NLRP5: variants seen among roughly 807,000 people sequenced by gnomAD.
NLRP5 encodes NACHT, LRR and PYD domains-containing protein 5.
Under a neutral mutation model 113.1 loss-of-function variants are expected in NLRP5, and 93 were observed. The observed-to-expected ratio is 0.82, with a 90% CI of 0.70 to 0.98. The LOEUF is 0.98. Among genes scored for constraint, NLRP5 ranks in the 50% least tolerant of loss-of-function variants. The pLI is 0.00. For missense variants in NLRP5, 1,808 were observed against 1,514.3 expected, an observed-to-expected ratio of 1.19 and a Z score of -3.22; for synonymous variants, 751 against 600.7, an observed-to-expected ratio of 1.25 and a Z score of -3.66.
Position 56,061,610 on chromosome 19 carries a change from G to T in NLRP5, c.*82G>T, listed in dbSNP as rs564470514. The T allele has an allele frequency of 6.9e-7, 1 of 1,440,812 alleles. No individual in the cohort carries two copies. The allele number at this position is 1,440,812 out of a possible 1,614,324, so 89.3% of individuals were successfully genotyped here. ...TTTCTCAGAGCAAGCTATGCACCTG[G>T]GAGTTCCTTCTCAAAGATGGAGAAT... On this transcript the variant is annotated 3_prime_UTR_variant, in exon 15 of 15. Coordinates refer to ENST00000390649, the MANE Select transcript of NLRP5 (RefSeq NM_153447.4).
chr19:56,031,530 C>A (rs1397839733), intron 7 of NLRP5, among the ~76,000 whole-genome samples: 1 of 150,494 alleles, frequency 6.6e-6, no homozygotes, highest in Non-Finnish European at 1.5e-5. Context: ...ACTTGGGAGG[C>A]TGAGGCAGGA....
intron 3 of NLRP5, among the ~76,000 whole-genome samples, chr19:56,015,231 A>T (rs577562145): frequency 6.6e-6 from 1 of 151,472 alleles, no homozygotes; most frequent in Non-Finnish European, 1.5e-5. Context: ...ACAGAGTTTC[A>T]CTCTTGTTGC....
At chr19:55,989,530 G>C in the NLRP5 span, among the ~76,000 whole-genome samples, 1 of 152,334 alleles carries the variant, frequency 6.6e-6, no homozygotes, top group Admixed American at 6.5e-5. Flanking sequence ...TGGGATGACA[G>C]GCGTGAGCCA....
chr19:56,054,270 T>C (rs144880032), intron 13 of NLRP5, among the ~76,000 whole-genome samples: 129 of 152,020 alleles, frequency 8.5e-4, no homozygotes, highest in African/African-American at 2.9e-3. Flanking sequence ...AAAAGAAAAG[T>C]GCTGAGGCTG....
Position 56,003,755 on chromosome 19 carries a change from A to G in NLRP5, c.102A>G (p.Leu34=). 6.2e-7 allele frequency: 1 copy of G among 1,613,352 alleles called. No homozygotes were observed. Among genetic ancestry groups the G allele is most frequent in the Non-Finnish European group, 8.5e-7 (1 of 1,179,694 alleles). The stretch of plus-strand genomic sequence containing the variant: ...CCACAGGTCCTACTTGCTCTATATT[A>G]CCAAAGAATCCACTTTTCCCCCAAA... Residue 34 remains leucine (L), a synonymous_variant, in exon 2 of 15, where the codon TTA becomes TTG. Transcript: ENST00000390649.
chr19:56,049,611 T>C (rs538111320), intron 11 of NLRP5, among the ~76,000 whole-genome samples: 177 of 152,278 alleles, frequency 1.2e-3, no homozygotes, highest in African/African-American at 4.1e-3. Context: ...GTGCCCAGCC[T>C]GAATTTCTTT....
chr19:56,057,413 G>A (rs918433831), intron 13 of NLRP5, among the ~76,000 whole-genome samples: 1 of 152,158 alleles, frequency 6.6e-6, no homozygotes, highest in Non-Finnish European at 1.5e-5. Context: ...TAGGTGCCCA[G>A]CCTCCGCTCT....
upstream of NLRP5, among the ~76,000 whole-genome samples, chr19:55,997,579 C>T (rs527997449): frequency 2.6e-5 from 4 of 152,144 alleles, no homozygotes; most frequent in Non-Finnish European, 5.9e-5. Flanking sequence ...TACCTGTAAT[C>T]CCAGCACTCT....
chr19:56,054,992 C>CTTTTT (rs869165472), intron 13 of NLRP5, among the ~76,000 whole-genome samples: 3 of 62,398 alleles, frequency 4.8e-5, no homozygotes, highest in East Asian at 5.3e-4. Context: ...CACCCCTCCC[C>CTTTTT]TTTTTTTTTT....
At chr19:55,999,217 T>TC (rs1447226246), upstream of NLRP5, among the ~76,000 whole-genome samples, 18 of 146,118 alleles carry the variant, frequency 1.2e-4, no homozygotes, top group African/African-American at 2.0e-4. Flanking sequence ...TTTTTCTTTT[T>TC]TTTTTTTTTT....
chr19:55,998,733 T>C (rs1490480185), upstream of NLRP5, among the ~76,000 whole-genome samples: 1 of 143,588 alleles, frequency 7.0e-6, no homozygotes, highest in Non-Finnish European at 1.5e-5. Context: ...TATATATGTG[T>C]ATATATATAT....
intron 2 of NLRP5, among the ~76,000 whole-genome samples, chr19:56,004,547 G>A (rs1438603202): frequency 6.6e-6 from 1 of 152,132 alleles, no homozygotes; most frequent in East Asian, 1.9e-4. Context: ...AACATTGGTA[G>A]TGGTTTGGTG....
chr19:55,998,686 A>ATATATATATATGTGTGTGTGTGTG (rs1981438245), upstream of NLRP5, among the ~76,000 whole-genome samples: 1 of 47,540 alleles, frequency 2.1e-5, no homozygotes, highest in African/African-American at 8.6e-5. Flanking sequence ...ATATATATAT[A>ATATATATATATGTGTGTGTGTGTG]TATATATATA....
chr19:56,011,687 A>G (rs905148802), intron 3 of NLRP5, among the ~76,000 whole-genome samples: 5 of 145,700 alleles, frequency 3.4e-5, no homozygotes, highest in Admixed American at 1.4e-4. Context: ...TTCTTTTCCT[A>G]TGTCTTTTTT....
chr19:56,010,133 G>C (rs1368640715), intron 3 of NLRP5, among the ~76,000 whole-genome samples: 4 of 152,192 alleles, frequency 2.6e-5, no homozygotes, highest in Non-Finnish European at 4.4e-5. Flanking sequence ...CCTCTGAGCT[G>C]CTCCTGGACA....
At chr19:56,021,694 C>A (rs986952514) in intron 6 of NLRP5, among the ~76,000 whole-genome samples, 25 of 152,250 alleles carry the variant, frequency 1.6e-4, no homozygotes, top group African/African-American at 5.3e-4. Flanking sequence ...ATGGAAAGAC[C>A]CCATTTTCTT....
intron 2 of NLRP5, among the ~76,000 whole-genome samples, chr19:56,005,466 C>CATAT (rs1568481803): frequency 7.0e-6 from 1 of 142,226 alleles, no homozygotes; most frequent in Non-Finnish European, 1.5e-5. Flanking sequence ...TATACACACA[C>CATAT]ACATATTTAT....
intron 9 of NLRP5, 98 bp downstream of exon 9, chr19:56,033,807 G>A: frequency 8.9e-7 from 1 of 1,118,464 alleles, no homozygotes; most frequent in East Asian, 2.4e-5. Flanking sequence ...CTGCAAAGAT[G>A]GAAAAGTTTT....
At chr19:56,040,025 A>G (rs947848988) in intron 10 of NLRP5, among the ~76,000 whole-genome samples, 6 of 152,136 alleles carry the variant, frequency 3.9e-5, no homozygotes, top group African/African-American at 1.4e-4. Flanking sequence ...ATCACAGCTC[A>G]CTGCAGCCTC....
Sources: gnomAD v4.1 joint callset for allele counts (sites outside exome capture counted in the v4.1 genomes callset) on GRCh38, gnomAD v4.1.1 for gene constraint, MANE v1.5 for transcripts, NCBI Gene and HGNC (gene_info 2026-07-23, HGNC 2026-07-21) for gene names.